Variants in ANO4 observed in about 807,000 individuals in gnomAD.
ANO4 encodes anoctamin 4, also known as anoctamin-4.
A neutral mutation model predicts 141.9 loss-of-function variants in ANO4; 69 were observed. That is an observed-to-expected ratio of 0.49 (90% CI 0.40 to 0.59). ANO4 has a LOEUF of 0.59. Among genes scored for constraint, ANO4 ranks in the 20% least tolerant of loss-of-function variants. ANO4 has a pLI of 0.00. For missense variants in ANO4, 894 were observed against 1,162.2 expected (o/e 0.77, Z 3.36); for synonymous variants, 350 against 394.3 (o/e 0.89, Z 1.33).
chr12:101,029,363 C>G (rs1048365896), intron 9 of ANO4, among the ~76,000 whole-genome samples: 1 of 151,944 alleles, frequency 6.6e-6, no homozygotes, highest in African/African-American at 2.4e-5. Context: ...GGCAAAATGC[C>G]CCAATTAAAA....
chr12:100,809,647 G>A (rs1388460682), intron 1 of ANO4, among the ~76,000 whole-genome samples: 2 of 152,232 alleles, frequency 1.3e-5, no homozygotes, highest in Non-Finnish European at 2.9e-5. Flanking sequence ...GGGCTTAGGA[G>A]ATTAGGCTTA....
chr12:101,042,055 C>A (rs2047430364), intron 11 of ANO4, among the ~76,000 whole-genome samples: 1 of 152,126 alleles, frequency 6.6e-6, no homozygotes, highest in Admixed American at 6.6e-5. Flanking sequence ...CTCCCTTTGC[C>A]CACTCCGGCC....
intron 10 of ANO4, among the ~76,000 whole-genome samples, chr12:101,037,406 G>A (rs1387607974): frequency 6.6e-6 from 1 of 152,150 alleles, no homozygotes; most frequent in Non-Finnish European, 1.5e-5. Flanking sequence ...GAATGGCTTA[G>A]AGACTTTAAG....
chr12:100,978,450 A>G (rs146510704), intron 7 of ANO4, among the ~76,000 whole-genome samples: 1,624 of 152,350 alleles, frequency 0.011, 96 homozygotes, highest in Admixed American at 0.098. Flanking sequence ...ATCAAGTCCA[A>G]CCATTCATCA....
intron 3 of ANO4, among the ~76,000 whole-genome samples, chr12:100,769,986 C>G (rs533829628): frequency 6.6e-6 from 1 of 152,070 alleles, no homozygotes; most frequent in Non-Finnish European, 1.5e-5. Context: ...TGTATTGATT[C>G]CAAGTAATTC....
chr12:100,994,790 A>C (rs2045295219), intron 8 of ANO4, among the ~76,000 whole-genome samples: 1 of 152,220 alleles, frequency 6.6e-6, no homozygotes, highest in African/African-American at 2.4e-5. Flanking sequence ...GTAAACAGAA[A>C]GGCAAAAATT....
At chr12:100,958,282 T>A (rs2043260299) in intron 5 of ANO4, among the ~76,000 whole-genome samples, 1 of 152,208 alleles carries the variant, frequency 6.6e-6, no homozygotes, top group Admixed American at 6.5e-5. Context: ...AGCCTGGTAC[T>A]TTTGCTTCGT....
chr12:101,123,316 T>A (rs1202187747), intron 26 of ANO4, among the ~76,000 whole-genome samples: 1 of 152,210 alleles, frequency 6.6e-6, no homozygotes, highest in East Asian at 1.9e-4. Context: ...TTGTTTGGGA[T>A]TTTTTTATTT....
intron 8 of ANO4, among the ~76,000 whole-genome samples, chr12:101,017,900 T>C (rs1210516229): frequency 6.6e-6 from 1 of 152,214 alleles, no homozygotes; most frequent in East Asian, 1.9e-4. Context: ...AGGTACAGCC[T>C]AGATGTAAGG....
rs58939399 is a variant in ANO4, at chr12:100,721,331, G to A, written c.22+3784G>A. Among the ~76,000 whole-genome samples, 16 of 152,328 alleles carry A rather than the reference G, an allele frequency of 1.1e-4. No homozygotes were observed. In the South Asian group the frequency reaches 3.3e-3, roughly 32 times the overall value. The stretch of plus-strand genomic sequence containing the variant: ...ACAGATGGCAGAGTCAGCTGGAGGA[G>A]ACAGACTCCTAAATGGAGAATTATA... On this transcript the variant is annotated intron_variant, in intron 1 of 29. Transcript: ENST00000644049.
intron 11 of ANO4, among the ~76,000 whole-genome samples, chr12:101,040,979 A>G (rs1480864715): frequency 2.0e-5 from 3 of 152,130 alleles, no homozygotes; most frequent in Non-Finnish European, 2.9e-5. Context: ...ATGTGTGTGT[A>G]AATATATGTG....
At chr12:101,046,936 T>C (rs12305107) in intron 13 of ANO4, among the ~76,000 whole-genome samples, 26,771 of 152,138 alleles carry the variant, frequency 0.18, 2,934 homozygotes, top group African/African-American at 0.3. Context: ...AAGCTACACT[T>C]TCTAGCAACT....
chr12:100,726,836 T>A (rs921014622), intron 1 of ANO4, among the ~76,000 whole-genome samples: 1 of 152,156 alleles, frequency 6.6e-6, no homozygotes, highest in African/African-American at 2.4e-5. Context: ...AGAAATATGC[T>A]TATATTCTCT....
chr12:100,906,707 A>C (rs1359299923), intron 2 of ANO4, among the ~76,000 whole-genome samples: 1 of 152,180 alleles, frequency 6.6e-6, no homozygotes, highest in Non-Finnish European at 1.5e-5. Context: ...GGCAGGTAGC[A>C]GGAGAGTACA....
chr12:100,881,290 T>C (rs1482175325), intron 1 of ANO4, among the ~76,000 whole-genome samples: 1 of 148,798 alleles, frequency 6.7e-6, no homozygotes, highest in Non-Finnish European at 1.5e-5. Flanking sequence ...ATAATAATAA[T>C]AAAATAAAAT....
chr12:101,018,885 A>G (rs1167507748), intron 8 of ANO4, among the ~76,000 whole-genome samples: 2 of 152,132 alleles, frequency 1.3e-5, no homozygotes, highest in African/African-American at 4.8e-5. Context: ...CAAGGATTTT[A>G]TCTGTTTTGT....
intron 1 of ANO4, among the ~76,000 whole-genome samples, chr12:100,878,882 G>A (rs2039437766): frequency 6.6e-6 from 1 of 152,126 alleles, no homozygotes; most frequent in Admixed American, 6.6e-5. Flanking sequence ...TGATTCACCA[G>A]TCAATATTTA....
chr12:100,844,243 G>C (rs911979311), intron 1 of ANO4, among the ~76,000 whole-genome samples: 3 of 152,066 alleles, frequency 2.0e-5, no homozygotes, highest in Non-Finnish European at 2.9e-5. Context: ...GAGGAAATGA[G>C]ATACTTAGAG....
chr12:100,720,887 T>A (rs545085262), intron 1 of ANO4, among the ~76,000 whole-genome samples: 1 of 152,326 alleles, frequency 6.6e-6, no homozygotes, highest in East Asian at 1.9e-4. Context: ...GTCAGCCCTA[T>A]ATTCATTTGA....
Sources: allele counts gnomAD v4.1 joint callset (sites outside exome capture counted in the v4.1 genomes callset), GRCh38; gene constraint gnomAD v4.1.1; transcripts MANE v1.5; gene names NCBI Gene and HGNC (gene_info 2026-07-23, HGNC 2026-07-21).